Variants in TCF4 observed in about 807,000 individuals in gnomAD.
The protein encoded by TCF4 is transcription factor 4.
Under a neutral mutation model 82.1 loss-of-function variants are expected in TCF4, and 3 were observed. The ratio of observed to expected loss-of-function variants is 0.04; its 90% CI spans 0.02 to 0.09. TCF4 has a LOEUF of 0.09. Among genes scored for constraint, TCF4 ranks in the 10% least tolerant of loss-of-function variants. TCF4 has a pLI of 1.00. For synonymous variants in TCF4, 276 were observed against 309.6 expected, an observed-to-expected ratio of 0.89 and a Z score of 1.14; for missense variants, 518 against 852.7, an observed-to-expected ratio of 0.61 and a Z score of 4.89.
intron 3 of TCF4, among the ~76,000 whole-genome samples, chr18:55,497,280 C>T (rs2096647771): frequency 6.6e-6 from 1 of 152,122 alleles, no homozygotes; most frequent in African/African-American, 2.4e-5. Flanking sequence ...TTAACAAAAA[C>T]ATTTATTTTA....
chr18:55,602,639 C>T (rs2097698305), intron 2 of TCF4, among the ~76,000 whole-genome samples: 1 of 152,168 alleles, frequency 6.6e-6, no homozygotes, highest in Admixed American at 6.5e-5. Context: ...ATCCACGGGC[C>T]ATTACCATCA....
chr18:55,326,920 G>T (rs2076658685), intron 8 of TCF4, among the ~76,000 whole-genome samples: 1 of 152,122 alleles, frequency 6.6e-6, no homozygotes, highest in African/African-American at 2.4e-5. Flanking sequence ...ACTTAAAACT[G>T]CAATGACAAA....
At chr18:55,316,886 T>C (rs1391638168) in intron 8 of TCF4, among the ~76,000 whole-genome samples, 1 of 152,054 alleles carries the variant, frequency 6.6e-6, no homozygotes, top group Admixed American at 6.6e-5. Flanking sequence ...TTTAAAATGC[T>C]TAGACCTAGC....
At chr18:55,591,183 G>A (rs1280559330), upstream of TCF4, 4 of 152,212 alleles carry the variant, frequency 2.6e-5, no homozygotes, top group Non-Finnish European at 5.9e-5. Flanking sequence ...CACACATGGT[G>A]AAGATTCCTG....
chr18:55,589,361 A>G, upstream of TCF4: 1 of 1,053,892 alleles, frequency 9.5e-7, no homozygotes, highest in Non-Finnish European at 1.1e-6. Flanking sequence ...AGAGACAAAA[A>G]TCTTCTGCAA....
At chr18:55,466,401 G>A (rs184614757) in intron 3 of TCF4, among the ~76,000 whole-genome samples, 3 of 152,198 alleles carry the variant, frequency 2.0e-5, no homozygotes, top group African/African-American at 4.8e-5. Flanking sequence ...AGGGGCCGAG[G>A]CAGGAAGATC....
At chr18:55,618,618 A>G (rs1003164107) in intron 2 of TCF4, among the ~76,000 whole-genome samples, 6 of 150,974 alleles carry the variant, frequency 4.0e-5, no homozygotes, top group Admixed American at 2.0e-4. Context: ...TTCTCCCTCT[A>G]TGACCCAGGA....
intron 6 of TCF4, among the ~76,000 whole-genome samples, chr18:55,372,871 C>T (rs140800803): frequency 6.6e-5 from 10 of 152,056 alleles, no homozygotes; most frequent in African/African-American, 1.4e-4. Flanking sequence ...GATACAGACA[C>T]CAAACAGATT....
chr18:55,579,220 G>C (rs2097554893), intron 3 of TCF4, among the ~76,000 whole-genome samples: 1 of 151,616 alleles, frequency 6.6e-6, no homozygotes, highest in Non-Finnish European at 1.5e-5. Flanking sequence ...TAAAACCCAT[G>C]TGCATACCTT....
At chr18:55,277,917 T>C (rs114666081) in intron 9 of TCF4, among the ~76,000 whole-genome samples, 3,497 of 152,256 alleles carry the variant, frequency 0.023, 143 homozygotes, top group African/African-American at 0.08. Context: ...TGTTTATAAC[T>C]GAAGGTGATT....
Position 55,368,215 on chromosome 18 carries a change from G to A in TCF4, c.370-17212C>T, listed in dbSNP as rs375386001. 6.6e-5 allele frequency among the ~76,000 whole-genome samples: 10 copies of A among 152,172 alleles called. No individual in the cohort carries two copies. In the East Asian group the frequency reaches 1.2e-3, roughly 18 times the overall value. On this transcript the variant is annotated intron_variant, in intron 6 of 19. Transcript: ENST00000354452. ...AGCCTGGCCAACATGGAGAAACCCC[G>A]ACTCTACTAAAAATACAAAAATTAG...
chr18:55,365,191 A>ATATATATATATATATATGTG (rs1361444592), intron 6 of TCF4, among the ~76,000 whole-genome samples: 26 of 97,926 alleles, frequency 2.7e-4, no homozygotes, highest in African/African-American at 1.2e-3. Context: ...ATATATATAT[A>ATATATATATATATATATGTG]TGTGTGTGTG....
chr18:55,256,309 T>C lies in TCF4; in HGVS notation c.1146+1006A>G, dbSNP rs544442898. 2.0e-5 allele frequency among the ~76,000 whole-genome samples: 3 copies of C among 152,254 alleles called. No homozygotes were observed. The South Asian group carries it at 6.2e-4, about 32-fold the overall frequency. On this transcript the variant is annotated intron_variant, in intron 14 of 19. Transcript: ENST00000354452. ...ATAGTTGGACGAAGCCTGGTTTTGA[T>C]GAATAGGCCCCAGAGAATAACTGAT...
At chr18:55,333,705 G>T (rs1166548814) in intron 8 of TCF4, among the ~76,000 whole-genome samples, 1 of 152,114 alleles carries the variant, frequency 6.6e-6, no homozygotes, top group Non-Finnish European at 1.5e-5. Context: ...ATCTAATCTG[G>T]ATTCTGTAAT....
intron 6 of TCF4, among the ~76,000 whole-genome samples, chr18:55,366,758 T>G (rs539808230): frequency 6.6e-6 from 1 of 152,364 alleles, no homozygotes; most frequent in South Asian, 2.1e-4. Flanking sequence ...GAAGACAGTG[T>G]AGCATTTTAC....
chr18:55,368,166 A>C (rs1603385909), intron 6 of TCF4, among the ~76,000 whole-genome samples: 1 of 152,202 alleles, frequency 6.6e-6, no homozygotes. Flanking sequence ...CGGGTGGGTC[A>C]CCTGAGGTCA....
rs2144784629 is a variant in TCF4 at position 55,350,866 on chromosome 18, T to C, written c.499+8A>G. On this transcript the variant is annotated splice_region_variant and intron_variant, in intron 7 of 19. Transcript: ENST00000354452. ...TCCCTCAGGCATTCAAACAAAGGAA[T>C]ACCTTACCCATGGCACTACTGTGAA... 3 of 1,613,128 alleles carry C rather than the reference T, an allele frequency of 1.9e-6. No homozygotes were observed. Among genetic ancestry groups the C allele is most frequent in the Non-Finnish European group, 1.7e-6 (2 of 1,179,288 alleles).
intron 3 of TCF4, among the ~76,000 whole-genome samples, chr18:55,484,367 A>T (rs982611453): frequency 2.6e-5 from 4 of 152,242 alleles, no homozygotes; most frequent in Non-Finnish European, 5.9e-5. Flanking sequence ...ACCCAGAAAC[A>T]TAGAGAATAT....
intron 5 of TCF4, among the ~76,000 whole-genome samples, chr18:55,425,076 C>A (rs1009224257): frequency 5.9e-5 from 9 of 152,162 alleles, no homozygotes; most frequent in African/African-American, 2.2e-4. Context: ...TCAAAATAGA[C>A]CACACAATCC....
Sources: allele counts gnomAD v4.1 joint callset (sites outside exome capture counted in the v4.1 genomes callset), GRCh38; gene constraint gnomAD v4.1.1; transcripts MANE v1.5; gene names NCBI Gene and HGNC (gene_info 2026-07-23, HGNC 2026-07-21).